Variants in FRMPD3 observed in about 807,000 individuals in gnomAD.
FRMPD3 encodes FERM and PDZ domain-containing protein 3.
Under a neutral mutation model 97.9 loss-of-function variants are expected in FRMPD3, and 42 were observed. The ratio of observed to expected loss-of-function variants is 0.43; its 90% CI spans 0.34 to 0.55. The LOEUF is 0.55. Ranked by LOEUF, FRMPD3 falls within the 20% of genes least tolerant of loss-of-function variation. The probability of loss-of-function intolerance (pLI) is 0.03; values close to 1 mark genes in which losing one functional copy is unlikely to be tolerated. For missense variants in FRMPD3, 1,303 were observed against 1,457.7 expected (o/e 0.89, Z 1.73); for synonymous variants, 577 against 581.1 (o/e 0.99, Z 0.10).
At chrX:107,513,836 T>C (rs1263093237) in intron 1 of FRMPD3, among the ~76,000 whole-genome samples, 1 of 112,505 alleles carries the variant, frequency 8.9e-6, no homozygotes, top group Non-Finnish European at 1.9e-5. Flanking sequence ...AGGTATCATA[T>C]CAAGTGGAGG....
intron 8 of FRMPD3, among the ~76,000 whole-genome samples, chrX:107,558,652 AAATAT>A (rs1428596817): frequency 2.7e-5 from 3 of 111,772 alleles, no homozygotes; most frequent in Non-Finnish European, 3.8e-5. Context: ...CAAAATTTAA[AAATAT>A]AATATAATAA....
intron 4 of FRMPD3, among the ~76,000 whole-genome samples, chrX:107,543,253 A>G (rs1921403613): frequency 9.1e-6 from 1 of 110,447 alleles, no homozygotes; most frequent in Non-Finnish European, 1.9e-5. Flanking sequence ...CAAAGTTCTC[A>G]CCGTGGTTTA....
At chrX:107,497,567 C>G (rs1254995129) in intron 1 of FRMPD3, among the ~76,000 whole-genome samples, 2 of 112,145 alleles carry the variant, frequency 1.8e-5, no homozygotes, top group African/African-American at 6.5e-5. Context: ...AGCTTAGCAC[C>G]TCAAGCCAAT....
intron 10 of FRMPD3, among the ~76,000 whole-genome samples, chrX:107,561,169 G>A (rs1347107156): frequency 9.0e-6 from 1 of 110,961 alleles, no homozygotes; most frequent in Non-Finnish European, 1.9e-5. Context: ...TGTATCATGT[G>A]GAAAGCACTG....
Position 107,600,604 on chromosome X carries a change from C to T in FRMPD3, c.2565C>T (p.Gly855=), listed in dbSNP as rs747060737. Residue 855 remains glycine, a synonymous_variant, in exon 15 of 15, where the codon GGC becomes GGT. Transcript: ENST00000683843. ...CAGGCCAGAGTCCTGGCCCCCCTGGCGCTCGGAGGAAGCTGCCCCAGTCAG... is the reference window on the plus strand; with the variant it reads ...CAGGCCAGAGTCCTGGCCCCCCTGGTGCTCGGAGGAAGCTGCCCCAGTCAG... ...IATGQSPGPP[G]ARRKLPQSEG... is the part of the protein sequence containing the mutation. 51 of 1,208,189 alleles carry T rather than the reference C, an allele frequency of 4.2e-5. No individual in the cohort carries two copies. In the South Asian group the frequency reaches 5.0e-4, roughly 12 times the overall value.
intron 4 of FRMPD3, among the ~76,000 whole-genome samples, chrX:107,542,962 T>C (rs1305383053): frequency 9.0e-6 from 1 of 111,726 alleles, no homozygotes; most frequent in Non-Finnish European, 1.9e-5. Context: ...TTTTTCTCAC[T>C]CTCATATCCA....
At chrX:107,573,711 G>T (rs776364960) in intron 12 of FRMPD3, among the ~76,000 whole-genome samples, 1 of 112,378 alleles carries the variant, frequency 8.9e-6, no homozygotes, top group Non-Finnish European at 1.9e-5. Context: ...TAAAGTTGGG[G>T]CAGAGTCCAA....
chrX:107,528,615 A>G lies in FRMPD3; in HGVS notation c.149-1794A>G, dbSNP rs773752036. Reference sequence around the variant, plus strand: ...CTGTTTTAAGTGCTGTATATTTATCATCTCATTCATCCTCCCAACATTTCT... The same window carrying G: ...CTGTTTTAAGTGCTGTATATTTATCGTCTCATTCATCCTCCCAACATTTCT... On this transcript the variant is annotated intron_variant, in intron 2 of 14. Coordinates refer to ENST00000683843, the MANE Select transcript of FRMPD3 (RefSeq NM_001388459.1). Among the ~76,000 whole-genome samples, 4 of 112,758 alleles carry G rather than the reference A, an allele frequency of 3.5e-5. No individual in the cohort carries two copies. The Admixed American group carries it at 3.7e-4, about 11-fold the overall frequency.
At chrX:107,588,369 C>G (rs1452627665) in intron 13 of FRMPD3, among the ~76,000 whole-genome samples, 1 of 110,805 alleles carries the variant, frequency 9.0e-6, no homozygotes, top group African/African-American at 3.3e-5. Flanking sequence ...ATTTTCCTGC[C>G]TCAGCCTCCC....
chrX:107,583,572 A>T (rs761001644), intron 13 of FRMPD3, among the ~76,000 whole-genome samples: 2 of 112,250 alleles, frequency 1.8e-5, no homozygotes, highest in South Asian at 3.7e-4. Context: ...TCTTTATAGT[A>T]GAATGATTTA....
chrX:107,482,994 A>C (rs1054767099), intron 1 of FRMPD3, among the ~76,000 whole-genome samples: 5 of 112,131 alleles, frequency 4.5e-5, no homozygotes, highest in African/African-American at 1.6e-4. Flanking sequence ...CAGGCTCACC[A>C]TTGTCTCCGT....
At chrX:107,522,614 G>A in intron 1 of FRMPD3, 1 of 421,386 alleles carries the variant, frequency 2.4e-6, no homozygotes, top group Non-Finnish European at 4.1e-6. Flanking sequence ...AGGCTGGGAT[G>A]GAGGAGGAAC....
At chrX:107,573,639 G>A (rs768343052) in intron 12 of FRMPD3, among the ~76,000 whole-genome samples, 1 of 112,015 alleles carries the variant, frequency 8.9e-6, no homozygotes, top group African/African-American at 3.2e-5. Context: ...GGTACAAACT[G>A]TTCCTTTTTC....
At chrX:107,541,764 C>G (rs909505300) in intron 4 of FRMPD3, among the ~76,000 whole-genome samples, 2 of 112,117 alleles carry the variant, frequency 1.8e-5, no homozygotes, top group African/African-American at 6.5e-5. Flanking sequence ...GAACCAGAAC[C>G]AGTGGATGAA....
chrX:107,585,989 A>G (rs1019370554), intron 13 of FRMPD3, among the ~76,000 whole-genome samples: 2 of 111,559 alleles, frequency 1.8e-5, no homozygotes, highest in African/African-American at 6.5e-5. Context: ...CTCCTTTTCA[A>G]TTTTTTGGAA....
rs1170985688 is a variant in FRMPD3 at position 107,577,162 on chromosome X, T to TA, written c.1441+731dup. Among the ~76,000 whole-genome samples the TA allele has an allele frequency of 9.5e-3, 303 of 32,060 alleles. 13 individuals carry two copies. The highest frequency in any genetic ancestry group is 0.053 in the East Asian group (45 of 851). The allele number at this position is 32,060 out of a possible 115,157, so 27.8% of individuals were successfully genotyped here. A position where few individuals can be genotyped will look rare whatever the true frequency, so the allele number is the denominator to read the frequency against. On this transcript the variant is annotated intron_variant, in intron 13 of 14. Coordinates refer to ENST00000683843, the MANE Select transcript of FRMPD3 (RefSeq NM_001388459.1). ...TAACAAGGTGAAACCCTGTCTCTAC[T>TA]AAAAAAAAAAAAAAAAAAAAAAAAA...
chrX:107,566,667 A>T (rs1375992915), intron 12 of FRMPD3, among the ~76,000 whole-genome samples: 2 of 113,407 alleles, frequency 1.8e-5, no homozygotes, highest in Admixed American at 9.2e-5. Flanking sequence ...AGAAAAAAAC[A>T]GATGCCTGGG....
At chrX:107,526,903 T>A (rs1390532782) in intron 2 of FRMPD3, among the ~76,000 whole-genome samples, 167 bp downstream of exon 2, 1 of 111,699 alleles carries the variant, frequency 9.0e-6, no homozygotes, top group Non-Finnish European at 1.9e-5. Context: ...GCTGGCCTTT[T>A]AAGACTGATA....
At chrX:107,468,916 G>T (rs1931621401) in intron 1 of FRMPD3, among the ~76,000 whole-genome samples, 2 of 112,706 alleles carry the variant, frequency 1.8e-5, no homozygotes, top group Admixed American at 9.4e-5. Context: ...CAGATGATCT[G>T]ACTATAAAAC....
Sources: gnomAD v4.1 joint callset for allele counts (sites outside exome capture counted in the v4.1 genomes callset) on GRCh38, gnomAD v4.1.1 for gene constraint, MANE v1.5 for transcripts, NCBI Gene and HGNC (gene_info 2026-07-23, HGNC 2026-07-21) for gene names.